Variants in OSBPL3 observed in about 807,000 individuals in gnomAD.
OSBPL3 encodes the protein oxysterol-binding protein-related protein 3.
A neutral mutation model predicts 120.1 loss-of-function variants in OSBPL3; 65 were observed. The observed-to-expected ratio is 0.54, with a 90% confidence interval of 0.44 to 0.67. OSBPL3 has a LOEUF of 0.67. Among genes scored for constraint, OSBPL3 ranks in the 30% least tolerant of loss-of-function variants. OSBPL3 has a pLI of 0.00. For synonymous variants in OSBPL3, 416 were observed against 402.6 expected (o/e 1.03, Z -0.40); for missense variants, 1,004 against 1,082.1 (o/e 0.93, Z 1.01).
intron 1 of OSBPL3, among the ~76,000 whole-genome samples, chr7:24,904,640 G>A (rs1043179281): frequency 5.9e-5 from 9 of 152,044 alleles, no homozygotes; most frequent in African/African-American, 2.2e-4. Context: ...CCATACAGCT[G>A]TACATACAAC....
rs955238587 is a variant in OSBPL3, at chr7:24,827,660, T to A, written c.1884+3108A>T. ...TTCTAGTTTATATACATCAGTCTCT[T>A]GTAAGCTTAGTGTGAATTTATCCCT... On this transcript the variant is annotated intron_variant, in intron 16 of 22. Transcript: ENST00000313367. This position sits in a 1 kb window ranked among gnomAD's most constrained non-coding sequence, Gnocchi z 5.1. Among the ~76,000 whole-genome samples, 3 of 152,236 alleles carry A rather than the reference T, an allele frequency of 2.0e-5. No individual in the cohort carries two copies. The highest frequency in any genetic ancestry group is 2.0e-4 in the Admixed American group (3 of 15,288).
intron 13 of OSBPL3, among the ~76,000 whole-genome samples, chr7:24,841,954 A>G (rs1797829128): frequency 2.0e-5 from 3 of 151,932 alleles, no homozygotes; most frequent in African/African-American, 4.8e-5. Flanking sequence ...CGGAGGTTGC[A>G]GTGAGCTGAG....
rs1813786705 is a variant in OSBPL3 at position 24,946,804 on chromosome 7, T to A, written c.-150+33082A>T. On this transcript the variant is annotated intron_variant, in intron 1 of 22. Transcript: ENST00000313367. This position sits in a 1 kb window ranked among gnomAD's most constrained non-coding sequence, Gnocchi z 4.3. Reference sequence around the variant, plus strand: ...GATTCATGAGCTGAAGTAGCAGGGATGTGTGGGAGAAAGAGAAAGAGGAGA... The same window carrying A: ...GATTCATGAGCTGAAGTAGCAGGGAAGTGTGGGAGAAAGAGAAAGAGGAGA... 6.6e-6 allele frequency among the ~76,000 whole-genome samples: 1 copy of A among 152,016 alleles called. No individual in the cohort carries two copies. The highest frequency in any genetic ancestry group is 1.5e-5 in the Non-Finnish European group (1 of 68,032).
At chr7:24,923,591 A>T (rs959117197) in intron 1 of OSBPL3, among the ~76,000 whole-genome samples, 19 of 152,056 alleles carry the variant, frequency 1.2e-4, no homozygotes, top group African/African-American at 4.6e-4. Context: ...AGACTAAAAG[A>T]TAAGAGAGAT....
chr7:24,834,815 T>TA lies in OSBPL3; in HGVS notation c.1496-80dup, dbSNP rs1584299765. 16 of 1,292,366 alleles carry TA rather than the reference T, an allele frequency of 1.2e-5. No homozygotes were observed. The East Asian group carries it at 3.9e-4, about 31-fold the overall frequency. 80.1% of individuals were successfully genotyped at this position (1,292,366 alleles called of 1,614,324 possible). ...TATTTTTAATCCACGAATAAAACCTTACGTAGCAAGTAGTCAATGTTACTA... is the reference window on the plus strand; with the variant it reads ...TATTTTTAATCCACGAATAAAACCTTAACGTAGCAAGTAGTCAATGTTACTA... On this transcript the variant is annotated intron_variant, in intron 14 of 22. Transcript: ENST00000313367. This position sits in a 1 kb window ranked among gnomAD's most constrained non-coding sequence, Gnocchi z 5.2.
In OSBPL3 at chr7:24,854,083, A is replaced by C. The variant is rs1799510503; in HGVS notation, c.1028-1449T>G. 6.6e-6 allele frequency among the ~76,000 whole-genome samples: 1 copy of C among 150,412 alleles called. No individual in the cohort carries two copies. The highest frequency in any genetic ancestry group is 1.5e-5 in the Non-Finnish European group (1 of 67,382). ...CACATACAGCACACACACACACACA[A>C]ATCATTATTCATTAGGTTTTGATCA... On this transcript the variant is annotated intron_variant, in intron 10 of 22. Transcript: ENST00000313367. The surrounding 1 kb of genome is among the most constrained non-coding windows in gnomAD (Gnocchi z 4.1).
At chr7:24,843,152 T>A (rs1469053177) in intron 12 of OSBPL3, among the ~76,000 whole-genome samples, 1 of 152,116 alleles carries the variant, frequency 6.6e-6, no homozygotes, top group African/African-American at 2.4e-5. Context: ...GAGCTGGCCA[T>A]GGCAGGATAT....
Position 24,940,340 on chromosome 7 carries a change from C to T in OSBPL3, c.-150+39546G>A, listed in dbSNP as rs752252306. 6.6e-6 allele frequency among the ~76,000 whole-genome samples: 1 copy of T among 152,084 alleles called. No individual in the cohort carries two copies. The highest frequency in any genetic ancestry group is 1.5e-5 in the Non-Finnish European group (1 of 68,012). On this transcript the variant is annotated intron_variant, in intron 1 of 22. Coordinates refer to ENST00000313367, the MANE Select transcript of OSBPL3 (RefSeq NM_015550.4). The surrounding 1 kb of genome is among the most constrained non-coding windows in gnomAD (Gnocchi z 4.4). ...ACACAGTTGGAGAAAGAAATGAATCCTATAGAAGATCAGGAGGTGTAGAAA... is the reference window on the plus strand; with the variant it reads ...ACACAGTTGGAGAAAGAAATGAATCTTATAGAAGATCAGGAGGTGTAGAAA...
chr7:24,861,215 T>C (rs1394874604), intron 10 of OSBPL3, among the ~76,000 whole-genome samples: 1 of 152,240 alleles, frequency 6.6e-6, no homozygotes, highest in Admixed American at 6.5e-5. Flanking sequence ...GATGTGACAA[T>C]GCAAAATGGA....
intron 10 of OSBPL3, among the ~76,000 whole-genome samples, chr7:24,856,729 C>T (rs946961941): frequency 3.3e-5 from 5 of 152,180 alleles, no homozygotes; most frequent in African/African-American, 1.2e-4. Context: ...TATCACAGAG[C>T]ACCTAACAAA....
rs77731241 is a variant in OSBPL3, at chr7:24,876,089, G to A, written c.97-4020C>T. ...ATTGCCCAGCCACCATCCTAACCTC[G>A]GCTCTCATCCATTCCATTAATTCCT... On this transcript the variant is annotated intron_variant, in intron 2 of 22. Transcript: ENST00000313367. Among the ~76,000 whole-genome samples, 743 of 152,058 alleles carry A rather than the reference G, an allele frequency of 4.9e-3. 6 individuals are homozygous for A. Among genetic ancestry groups the A allele is most frequent in the African/African-American group, 0.017 (708 of 41,444 alleles).
In OSBPL3 at chr7:24,854,152, T is replaced by C. The variant is rs117106569; in HGVS notation, c.1028-1518A>G. ...TCCTAGGGATGAGGAAGCTGTTATC[T>C]AAATTACTGATCGTGGCTATCACAT... On this transcript the variant is annotated intron_variant, in intron 10 of 22. Coordinates refer to ENST00000313367, the MANE Select transcript of OSBPL3 (RefSeq NM_015550.4). The surrounding 1 kb of genome is among the most constrained non-coding windows in gnomAD (Gnocchi z 4.1). Among the ~76,000 whole-genome samples the C allele has an allele frequency of 1.7e-4, 26 of 152,112 alleles. No individual in the cohort carries two copies. Among genetic ancestry groups the C allele is most frequent in the Non-Finnish European group, 3.2e-4 (22 of 68,020 alleles).
intron 1 of OSBPL3, among the ~76,000 whole-genome samples, chr7:24,928,483 G>T (rs1031878380): frequency 2.6e-5 from 4 of 152,164 alleles, no homozygotes; most frequent in African/African-American, 7.2e-5. Flanking sequence ...CAGCCACCGT[G>T]CCCGGCCACC....
chr7:24,830,978 A>G lies in OSBPL3; in HGVS notation c.1747-73T>C. ...TTTATTGTTCACAAAGAACTAAACA[A>G]AATAAAACCTCTATGATTTTCTTTC... On this transcript the variant is annotated intron_variant, in intron 15 of 22. Transcript: ENST00000313367. The surrounding 1 kb of genome is among the most constrained non-coding windows in gnomAD (Gnocchi z 4.4). 4.3e-6 allele frequency: 6 copies of G among 1,387,492 alleles called. No homozygotes were observed. The highest frequency in any genetic ancestry group is 4.8e-6 in the Non-Finnish European group (5 of 1,040,172). 85.9% of individuals were successfully genotyped at this position (1,387,492 alleles called of 1,614,324 possible).
chr7:24,944,029 C>T (rs890110726), intron 1 of OSBPL3, among the ~76,000 whole-genome samples: 4 of 142,618 alleles, frequency 2.8e-5, no homozygotes, highest in Admixed American at 1.4e-4. Context: ...TTCCTTTCAT[C>T]GGCAAAGAAA....
In OSBPL3 at chr7:24,966,674, ACACTGGCC is replaced by A. The variant is rs1384861385; in HGVS notation, c.-150+13204_-150+13211del. ...CACACACAAAACAAAATTAAAGAAGACACTGGCCCAGAGAAAGACTGAGCTGAAAACCT... is the reference window on the plus strand; with the variant it reads ...CACACACAAAACAAAATTAAAGAAGACAGAGAAAGACTGAGCTGAAAACCT... On this transcript the variant is annotated intron_variant, in intron 1 of 22. Transcript: ENST00000313367. This position sits in a 1 kb window ranked among gnomAD's most constrained non-coding sequence, Gnocchi z 4.8. 6.6e-6 allele frequency among the ~76,000 whole-genome samples: 1 copy of A among 152,170 alleles called. No homozygotes were observed. The highest frequency in any genetic ancestry group is 1.5e-5 in the Non-Finnish European group (1 of 68,032).
chr7:24,979,178 C>G (rs1303491358), intron 1 of OSBPL3, among the ~76,000 whole-genome samples: 1 of 152,116 alleles, frequency 6.6e-6, no homozygotes, highest in Non-Finnish European at 1.5e-5. Flanking sequence ...GTCCCTAAGA[C>G]CCTGAACTAA....
intron 1 of OSBPL3, among the ~76,000 whole-genome samples, chr7:24,971,556 C>A (rs1817026331): frequency 6.6e-6 from 1 of 152,122 alleles, no homozygotes; most frequent in African/African-American, 2.4e-5. Flanking sequence ...GCTCACAGGG[C>A]CACAGCTGAG....
At position 24,852,357 on chromosome 7, in the gene OSBPL3, T is replaced by C; in HGVS notation, c.1158+147A>G. On this transcript the variant is annotated intron_variant, in intron 11 of 22. Coordinates refer to ENST00000313367, the MANE Select transcript of OSBPL3 (RefSeq NM_015550.4). This position sits in a 1 kb window ranked among gnomAD's most constrained non-coding sequence, Gnocchi z 4.1. Reference sequence around the variant, plus strand: ...GATAGGTAAGTTTTGGTGTTTCAAATAAGCAGATTTGATGAAAGGTTAGAA... The same window carrying C: ...GATAGGTAAGTTTTGGTGTTTCAAACAAGCAGATTTGATGAAAGGTTAGAA... The C allele has an allele frequency of 1.7e-6, 1 of 599,558 alleles. No individual in the cohort carries two copies. The highest frequency in any genetic ancestry group is 2.6e-6 in the Non-Finnish European group (1 of 387,652). 37.1% of individuals were successfully genotyped at this position (599,558 alleles called of 1,614,324 possible).
Sources: gnomAD v4.1 joint callset for allele counts (sites outside exome capture counted in the v4.1 genomes callset) on GRCh38, gnomAD v4.1.1 for gene constraint, Gnocchi (gnomAD v3.1) non-coding constraint, MANE v1.5 for transcripts, NCBI Gene and HGNC (gene_info 2026-07-23, HGNC 2026-07-21) for gene names.